Variants in EP400 observed in about 807,000 individuals in gnomAD.
EP400 encodes E1A-binding protein p400.
A neutral mutation model predicts 354.1 loss-of-function variants in EP400; 105 were observed. That is an observed-to-expected ratio of 0.30 (90% confidence interval 0.25 to 0.35). The LOEUF is 0.35. EP400 is among the 10% of genes least tolerant of loss of function. The pLI, the probability that EP400 is intolerant of heterozygous loss-of-function variation, is 1.00. For missense variants in EP400, 3,280 were observed against 4,121.0 expected (o/e 0.80, Z 5.59); for synonymous variants, 1,646 against 1,716.9 (o/e 0.96, Z 1.02).
At chr12:131,951,274 A>T (rs1891479264) in intron 1 of EP400, among the ~76,000 whole-genome samples, 1 of 150,266 alleles carries the variant, frequency 6.7e-6, no homozygotes, top group Non-Finnish European at 1.5e-5. Flanking sequence ...CTGGTCTCGA[A>T]CTCCTGAGCT....
Position 132,045,829 on chromosome 12 carries a change from C to G in EP400, c.7129C>G (p.Arg2377Gly), listed in dbSNP as rs950154475. ...LVSDVVNSCS[R>G]IYRSSKQCRN... Reference sequence around the variant, plus strand: ...CAGTGACGTTGTTAACTCCTGTAGCCGAATCTACCGCTCTTCCAAACAGTG... The same window carrying G: ...CAGTGACGTTGTTAACTCCTGTAGCGGAATCTACCGCTCTTCCAAACAGTG... The change falls in exon 39 of 53, where the codon CGA (arginine) becomes GGA (glycine). Residue 2377 changes from arginine to glycine, a missense_variant. Arg to Gly is a moderately radical substitution (Grantham distance 125). Coordinates refer to ENST00000389561, the MANE Select transcript of EP400 (RefSeq NM_015409.5). 2 of 1,614,194 alleles carry G rather than the reference C, an allele frequency of 1.2e-6. No homozygotes were observed. Among genetic ancestry groups the G allele is most frequent in the Admixed American group, 3.3e-5 (2 of 60,030 alleles).
At position 131,987,663 on chromosome 12, in the gene EP400, C is replaced by T. The variant is rs1892896521; in HGVS notation, c.2224-42C>T. The T allele has an allele frequency of 4.0e-6, 6 of 1,513,284 alleles. No homozygotes were observed. In the South Asian group the frequency reaches 5.3e-5, roughly 13 times the overall value. 93.7% of individuals were successfully genotyped at this position (1,513,284 alleles called of 1,614,324 possible). ...GGGGTCTGAGTTGGTGGAACACACT[C>T]ATCACATGCCGACCCCACCATCCCC... is the stretch of plus-strand genomic sequence containing the variant. On this transcript the variant is annotated intron_variant, in intron 6 of 52. Coordinates refer to ENST00000389561, the MANE Select transcript of EP400 (RefSeq NM_015409.5).
chr12:132,040,436 C>G (rs1037311345), intron 32 of EP400, among the ~76,000 whole-genome samples: 1 of 152,116 alleles, frequency 6.6e-6, no homozygotes, highest in African/African-American at 2.4e-5. Flanking sequence ...GCAGCACTGT[C>G]CCAGCAGCCA....
intron 2 of EP400, among the ~76,000 whole-genome samples, chr12:131,974,352 G>T (rs1892396191): frequency 6.6e-6 from 1 of 152,136 alleles, no homozygotes; most frequent in South Asian, 2.1e-4. Context: ...TTGGGCTCAA[G>T]CAGTCCTCCC....
In EP400 at chr12:131,953,421, C is replaced by G. The variant is rs1011648133; in HGVS notation, c.-36+3385C>G. Among the ~76,000 whole-genome samples the G allele has an allele frequency of 1.8e-4, 28 of 152,140 alleles. 1 individual carries two copies. Among genetic ancestry groups the G allele is most frequent in the Admixed American group, 1.8e-3 (28 of 15,258 alleles). ...AGCTTTGGTTCATAAGGTTAAGGAC[C>G]CACTACTACCTCCATGATTTAAAAT... On this transcript the variant is annotated intron_variant, in intron 1 of 52. Coordinates refer to ENST00000389561, the MANE Select transcript of EP400 (RefSeq NM_015409.5).
chr12:132,079,986 G>A lies in EP400; in HGVS notation c.*2313G>A, dbSNP rs1485050064. On this transcript the variant is annotated 3_prime_UTR_variant, in exon 53 of 53. Transcript: ENST00000389561. ...TAAGAATTAAGTACGCGTTCAGGAAGCTGTTGTCTAGGCCTTCCCCTTGTG... is the reference window on the plus strand; with the variant it reads ...TAAGAATTAAGTACGCGTTCAGGAAACTGTTGTCTAGGCCTTCCCCTTGTG... The A allele has an allele frequency of 6.6e-6, 1 of 152,220 alleles. No individual in the cohort carries two copies. Among genetic ancestry groups the A allele is most frequent in the Non-Finnish European group, 1.5e-5 (1 of 68,050 alleles). 9.4% of individuals were successfully genotyped at this position (152,220 alleles called of 1,614,324 possible).
At position 131,990,296 on chromosome 12, in the gene EP400, A is replaced by G. The variant is rs7486864; in HGVS notation, c.2550+192A>G. On this transcript the variant is annotated intron_variant, in intron 8 of 52. Transcript: ENST00000389561. This position sits in a 1 kb window ranked among gnomAD's most constrained non-coding sequence, Gnocchi z 4.2. ...GCTCGTGCCTCCGTCTGTCTTGCAC[A>G]GGGGATGCACCTCAGCTGTGGCTGC... Among the ~76,000 whole-genome samples, 13,687 of 152,164 alleles carry G rather than the reference A, an allele frequency of 0.09. 1,094 individuals are homozygous for G. Among genetic ancestry groups the G allele is most frequent in the African/African-American group, 0.21 (8,552 of 41,478 alleles).
chr12:131,964,363 AG>A (rs1260733079), intron 2 of EP400, among the ~76,000 whole-genome samples: 1 of 152,144 alleles, frequency 6.6e-6, no homozygotes, highest in Non-Finnish European at 1.5e-5. Context: ...GCTACTCAGG[AG>A]GCTGAGGCAG....
At chr12:132,055,055 C>G (rs749311323) in intron 44 of EP400, 36 bp downstream of exon 44, 2 of 1,613,878 alleles carry the variant, frequency 1.2e-6, no homozygotes, top group Non-Finnish European at 8.5e-7. Context: ...ATGTGGACCC[C>G]ATTTCTCCTG....
intron 2 of EP400, among the ~76,000 whole-genome samples, chr12:131,973,367 C>T (rs1206622356): frequency 6.6e-6 from 1 of 152,146 alleles, no homozygotes; most frequent in African/African-American, 2.4e-5. Flanking sequence ...CTTTGCAAGC[C>T]CTGTTAACCA....
chr12:131,988,932 G>C (rs1048742047), intron 7 of EP400, among the ~76,000 whole-genome samples: 1 of 152,230 alleles, frequency 6.6e-6, no homozygotes, highest in African/African-American at 2.4e-5. Context: ...AGACCACAGG[G>C]TGAGAACCGT....
rs1287841981 is a variant in EP400, at chr12:132,078,263, A to G, written c.*590A>G. On this transcript the variant is annotated 3_prime_UTR_variant, in exon 53 of 53. Transcript: ENST00000389561. ...AAATATGACTTAACTTTTAAGAGAA[A>G]TGTTCTGACACCCACCTAAACACAC... The G allele has an allele frequency of 6.5e-6, 1 of 153,660 alleles. No homozygotes were observed. The highest frequency in any genetic ancestry group is 1.4e-5 in the Non-Finnish European group (1 of 69,010). 9.5% of individuals were successfully genotyped at this position (153,660 alleles called of 1,614,324 possible). A position where few individuals can be genotyped will look rare whatever the true frequency, so the allele number is the denominator to read the frequency against.
In EP400 at chr12:132,006,797, A is replaced by G. The variant is rs773915796; in HGVS notation, c.3224A>G (p.Asn1075Ser). 1 of 1,614,228 alleles carries G rather than the reference A, an allele frequency of 6.2e-7. No homozygotes were observed. The highest frequency in any genetic ancestry group is 1.1e-5 in the South Asian group (1 of 91,084). The change falls in exon 15 of 53, where the codon AAT becomes AGT. Residue 1075 changes from asparagine to serine, a missense_variant. By Grantham distance (46) the Asn-to-Ser change is conservative. This residue lies in a region of EP400 where 242 missense variants were observed against 357.9 expected (regional missense o/e 0.68). Coordinates refer to ENST00000389561, the MANE Select transcript of EP400 (RefSeq NM_015409.5). ...WLAKLYRKNLNGILADEAGLG... is the reference protein window; with the variant it reads ...WLAKLYRKNLSGILADEAGLG... ...GCCAAACTTTACAGGAAGAATCTCA[A>G]TGGCATATTGGCAGATGAAGCTGGG... is the stretch of plus-strand genomic sequence containing the variant.
Position 132,067,249 on chromosome 12 carries a change from A to C in EP400, c.8750-113A>C. Reference sequence around the variant, plus strand: ...TAAGGGATGGCTTACTTGTCTCCATAGAGTTTCATAGTTTGTTATTTTCTG... The same window carrying C: ...TAAGGGATGGCTTACTTGTCTCCATCGAGTTTCATAGTTTGTTATTTTCTG... On this transcript the variant is annotated intron_variant, in intron 49 of 52. Transcript: ENST00000389561. This position sits in a 1 kb window ranked among gnomAD's most constrained non-coding sequence, Gnocchi z 5.3. 4 of 1,453,118 alleles carry C rather than the reference A, an allele frequency of 2.8e-6. No homozygotes were observed. Among genetic ancestry groups the C allele is most frequent in the Non-Finnish European group, 3.7e-6 (4 of 1,076,212 alleles). The allele number at this position is 1,453,118 out of a possible 1,614,324, so 90.0% of individuals were successfully genotyped here. A position where few individuals can be genotyped will look rare whatever the true frequency, so the allele number is the denominator to read the frequency against.
In EP400 at chr12:132,028,047, C is replaced by T. The variant is rs149062051; in HGVS notation, c.5140C>T (p.Leu1714=). ...AAAGACCAGACTCTTGAAAGAGCGC[C>T]TGGATCAGATTTATTTAGTCAACGA... ...EEKTRLLKER[L]DQIYLVNERR... is the part of the protein sequence containing the mutation. The change falls in exon 27 of 53, where the codon CTG becomes TTG. Residue 1714 remains leucine (L), a synonymous_variant. Transcript: ENST00000389561. 3.1e-4 allele frequency: 503 copies of T among 1,614,018 alleles called. 2 individuals carry two copies. In the African/African-American group the frequency reaches 5.7e-3, roughly 18 times the overall value.
At chr12:132,066,648 G>T in intron 48 of EP400, 126 bp from the exon 49 acceptor site, 2 of 999,914 alleles carry the variant, frequency 2.0e-6, no homozygotes, top group East Asian at 2.8e-5. Flanking sequence ...CTTTCCTGTT[G>T]GGCCACTTTA....
intron 15 of EP400, among the ~76,000 whole-genome samples, chr12:132,010,172 C>T (rs1250144757): frequency 6.6e-6 from 1 of 150,666 alleles, no homozygotes; most frequent in Non-Finnish European, 1.5e-5. Context: ...ACTGCAACCT[C>T]TGCCTCCGGG....
chr12:132,063,910 C>T (rs1342944148), intron 47 of EP400, among the ~76,000 whole-genome samples: 1 of 152,162 alleles, frequency 6.6e-6, no homozygotes, highest in Admixed American at 6.5e-5. Context: ...ATGCTGTGCT[C>T]AAGAGTCCCA....
Position 131,986,674 on chromosome 12 carries a change from AG to A in EP400, c.2092del (p.Ala698HisfsTer38). On this transcript the variant is annotated frameshift_variant, in exon 6 of 53. Coordinates refer to ENST00000389561, the MANE Select transcript of EP400 (RefSeq NM_015409.5). LOFTEE classifies it high-confidence loss of function. Reference sequence around the variant, plus strand: ...AATAGACCTTCCTCAGCCACCAATAAGGCACTATCTCCAGTCACTTCCCGGA... The same window carrying A: ...AATAGACCTTCCTCAGCCACCAATAAGCACTATCTCCAGTCACTTCCCGGA... ...PVNRPSSATN[K>X]ALSPVTSRTP... 1 of 1,614,136 alleles carries A rather than the reference AG, an allele frequency of 6.2e-7. No homozygotes were observed.
Sources: gnomAD v4.1 joint callset for allele counts (sites outside exome capture counted in the v4.1 genomes callset) on GRCh38, gnomAD v4.1.1 for gene constraint, gnomAD v4.1.1 regional missense constraint, Gnocchi (gnomAD v3.1) non-coding constraint, MANE v1.5 for transcripts, NCBI Gene and HGNC (gene_info 2026-07-23, HGNC 2026-07-21) for gene names.